Variants in IL17RD observed in about 807,000 individuals in gnomAD.
IL17RD encodes the protein interleukin 17 receptor D.
A neutral mutation model predicts 80.5 loss-of-function variants in IL17RD; 52 were observed. That is an observed-to-expected ratio of 0.65 (90% CI 0.52 to 0.81). The LOEUF is 0.81. Among genes scored for constraint, IL17RD ranks in the 40% least tolerant of loss-of-function variants. IL17RD has a pLI of 0.00. For synonymous variants in IL17RD, 416 were observed against 391.8 expected (o/e 1.06, Z -0.73); for missense variants, 1,024 against 955.1 (o/e 1.07, Z -0.95).
chr3:57,155,265 C>T (rs1217034440), intron 1 of IL17RD, among the ~76,000 whole-genome samples: 3 of 152,268 alleles, frequency 2.0e-5, no homozygotes, highest in African/African-American at 7.2e-5. Context: ...CACATCGTTT[C>T]AGAAAGTCCA....
At chr3:57,160,757 C>G (rs372771713) in intron 1 of IL17RD, among the ~76,000 whole-genome samples, 15 of 152,270 alleles carry the variant, frequency 9.9e-5, no homozygotes, top group African/African-American at 3.6e-4. Context: ...ACCCCTGTCC[C>G]CTAAAACAAT....
At chr3:57,134,439 C>T in intron 1 of IL17RD, 2 of 781,798 alleles carry the variant, frequency 2.6e-6, no homozygotes, top group Non-Finnish European at 4.5e-6. Flanking sequence ...AATGCGGATT[C>T]TGTGCTGGCT....
chr3:57,165,348 C>G lies in IL17RD; in HGVS notation c.-62G>C, dbSNP rs2060341438. The G allele has an allele frequency of 8.2e-7, 1 of 1,218,244 alleles. No homozygotes were observed. Among genetic ancestry groups the G allele is most frequent in the Non-Finnish European group, 1.0e-6 (1 of 975,406 alleles). The allele number at this position is 1,218,244 out of a possible 1,614,324, so 75.5% of individuals were successfully genotyped here. ...CCCGGCCGCCCGCCGCTGGCCAGCCCCGAGTGGGCGGTGGCCGCGGCGGCC... is the reference window on the plus strand; with the variant it reads ...CCCGGCCGCCCGCCGCTGGCCAGCCGCGAGTGGGCGGTGGCCGCGGCGGCC... On this transcript the variant is annotated 5_prime_UTR_variant, in exon 1 of 13. Coordinates refer to ENST00000296318, the MANE Select transcript of IL17RD (RefSeq NM_017563.5).
intron 2 of IL17RD, among the ~76,000 whole-genome samples, chr3:57,115,298 A>G (rs761667556): frequency 4.6e-5 from 7 of 152,168 alleles, no homozygotes; most frequent in Admixed American, 1.3e-4. Flanking sequence ...CATAGGGGAG[A>G]GATTCTCAGC....
chr3:57,097,496 C>A, intron 12 of IL17RD, 100 bp downstream of exon 12: 1 of 879,334 alleles, frequency 1.1e-6, no homozygotes, highest in East Asian at 2.6e-5. Flanking sequence ...GTTTCATTGC[C>A]CAATAAGTTG....
chr3:57,152,390 T>C lies in IL17RD; in HGVS notation c.126+12771A>G, dbSNP rs1046041662. Reference sequence around the variant, plus strand: ...AAAATGAAAAGCAAAGTTGAATCTCTGCGGACCATTCTCTGGATGCTGAAT... The same window carrying C: ...AAAATGAAAAGCAAAGTTGAATCTCCGCGGACCATTCTCTGGATGCTGAAT... On this transcript the variant is annotated intron_variant, in intron 1 of 12. Coordinates refer to ENST00000296318, the MANE Select transcript of IL17RD (RefSeq NM_017563.5). Among the ~76,000 whole-genome samples, 4 of 152,236 alleles carry C rather than the reference T, an allele frequency of 2.6e-5. No homozygotes were observed. In the East Asian group the frequency reaches 7.7e-4, roughly 29 times the overall value.
chr3:57,132,368 G>T (rs71311804), intron 1 of IL17RD, among the ~76,000 whole-genome samples: 6 of 152,128 alleles, frequency 3.9e-5, no homozygotes, highest in Admixed American at 3.3e-4. Flanking sequence ...GCTGAGGCAG[G>T]AGAATCGCTG....
chr3:57,118,280 A>ATATAT (rs1707260598), intron 2 of IL17RD, among the ~76,000 whole-genome samples: 1 of 152,236 alleles, frequency 6.6e-6, no homozygotes, highest in Non-Finnish European at 1.5e-5. Context: ...GAGCTCCCTG[A>ATATAT]GTTGCACGTG....
At chr3:57,156,159 T>C (rs1301587392) in intron 1 of IL17RD, among the ~76,000 whole-genome samples, 2 of 152,090 alleles carry the variant, frequency 1.3e-5, no homozygotes, top group African/African-American at 4.8e-5. Flanking sequence ...GAAAATACTA[T>C]GTATGTCCCA....
chr3:57,131,524 T>C (rs1384933309), intron 1 of IL17RD, among the ~76,000 whole-genome samples: 3 of 152,194 alleles, frequency 2.0e-5, no homozygotes, highest in African/African-American at 4.8e-5. Context: ...TGCAAGGACT[T>C]TGAAGGTTTG....
chr3:57,134,714 C>T (rs529660775), intron 1 of IL17RD: 4 of 668,562 alleles, frequency 6.0e-6, no homozygotes, highest in South Asian at 1.4e-5. Flanking sequence ...AGGAAGAGAC[C>T]GAGAAGTGAA....
At chr3:57,123,918 AC>A (rs1298928281) in intron 1 of IL17RD, among the ~76,000 whole-genome samples, 1 of 152,026 alleles carries the variant, frequency 6.6e-6, no homozygotes, top group Non-Finnish European at 1.5e-5. Flanking sequence ...AATGGCGGGC[AC>A]CTGTAATCCC....
chr3:57,098,477 A>G lies in IL17RD; in HGVS notation c.1226T>C (p.Ile409Thr). The change falls in exon 12 of 13, where the codon ATC becomes ACC. Residue 409 changes from isoleucine (I) to threonine (T), a missense_variant. By Grantham distance (89) the Ile-to-Thr change is moderately conservative (BLOSUM62 -1). Transcript: ENST00000296318. Reference sequence around the variant, plus strand: ...GAACTGGGACTCGTGGATCTTCTGGATGACCCATTCTCTCTGCCCTTCTCT... The same window carrying G: ...GAACTGGGACTCGTGGATCTTCTGGGTGACCCATTCTCTCTGCCCTTCTCT... ...LCREGQREWV[I>T]QKIHESQFII... 2 of 1,613,846 alleles carry G rather than the reference A, an allele frequency of 1.2e-6. No individual in the cohort carries two copies. Among genetic ancestry groups the G allele is most frequent in the South Asian group, 1.1e-5 (1 of 91,066 alleles).
intron 1 of IL17RD, chr3:57,164,870 A>C: frequency 8.5e-7 from 1 of 1,174,890 alleles, no homozygotes. Flanking sequence ...CGCCCGGCCC[A>C]GCCCCGCCGC....
intron 1 of IL17RD, among the ~76,000 whole-genome samples, chr3:57,130,742 A>C (rs1329524960): frequency 6.6e-6 from 1 of 152,186 alleles, no homozygotes; most frequent in Non-Finnish European, 1.5e-5. Context: ...AGTCTCTTAG[A>C]TAGCAAGTCC....
Position 57,096,420 on chromosome 3 carries a change from A to C in IL17RD, c.2193T>G (p.Asp731Glu). The C allele has an allele frequency of 6.2e-7, 1 of 1,613,916 alleles. No homozygotes were observed. Among genetic ancestry groups the C allele is most frequent in the Non-Finnish European group, 8.5e-7 (1 of 1,179,776 alleles). Reference sequence around the variant, plus strand: ...ACAAAGGGGCGACCGCGTGGAGTTCATCAGTGTAGCTGCGGCAACCAAGAT... The same window carrying C: ...ACAAAGGGGCGACCGCGTGGAGTTCCTCAGTGTAGCTGCGGCAACCAAGAT... ...KADLGCRSYT[D>E]ELHAVAPL The change falls in exon 13 of 13, where the codon GAT (aspartate) becomes GAG (glutamate). Residue 731 changes from aspartate to glutamate, a missense_variant. Asp to Glu is a conservative substitution (Grantham distance 45, BLOSUM62 2). Coordinates refer to ENST00000296318, the MANE Select transcript of IL17RD (RefSeq NM_017563.5).
chr3:57,122,517 C>G (rs1291074696), intron 1 of IL17RD, among the ~76,000 whole-genome samples: 1 of 152,182 alleles, frequency 6.6e-6, no homozygotes, highest in Non-Finnish European at 1.5e-5. Flanking sequence ...TATAGGAGCA[C>G]AAACCCTATT....
intron 1 of IL17RD, among the ~76,000 whole-genome samples, chr3:57,143,841 G>T (rs1707876445): frequency 6.6e-6 from 1 of 152,218 alleles, no homozygotes; most frequent in African/African-American, 2.4e-5. Flanking sequence ...CCTTCTGGAA[G>T]TGGTCAGCTT....
In IL17RD at chr3:57,096,329, G is replaced by A. The variant is rs910241484; in HGVS notation, c.*64C>T. 1 of 1,093,320 alleles carries A rather than the reference G, an allele frequency of 9.1e-7. No homozygotes were observed. The highest frequency in any genetic ancestry group is 1.7e-5 in the Admixed American group (1 of 59,354). The allele number at this position is 1,093,320 out of a possible 1,614,324, so 67.7% of individuals were successfully genotyped here. ...TCCAAGTGGGCCATGCAACCAGGGA[G>A]ATGAGCTGGGGAATCAGAGGGAGGC... On this transcript the variant is annotated 3_prime_UTR_variant, in exon 13 of 13. Transcript: ENST00000296318.
Sources: allele counts gnomAD v4.1 joint callset (sites outside exome capture counted in the v4.1 genomes callset), GRCh38; gene constraint gnomAD v4.1.1; transcripts MANE v1.5; gene names NCBI Gene and HGNC (gene_info 2026-07-23, HGNC 2026-07-21).